CHST11: variants seen among roughly 807,000 people sequenced by gnomAD.
The protein encoded by CHST11 is carbohydrate sulfotransferase 11.
In CHST11, 9 loss-of-function variants were observed where a neutral mutation model predicts 30.4. The observed-to-expected ratio is 0.30, with a 90% CI of 0.18 to 0.52. CHST11 has a LOEUF of 0.52. Among genes scored for constraint, CHST11 ranks in the 20% least tolerant of loss-of-function variants. The pLI is 0.97. For missense variants in CHST11, 348 were observed against 460.6 expected, an observed-to-expected ratio of 0.76 and a Z score of 2.24; for synonymous variants, 152 against 187.8, an observed-to-expected ratio of 0.81 and a Z score of 1.56.
chr12:104,457,356 C>A lies in CHST11; in HGVS notation c.-56C>A. On this transcript the variant is annotated 5_prime_UTR_variant, in exon 1 of 3. Transcript: ENST00000303694. ...CGGTCCGCGCGGCGGGGTCCCTGCT[C>A]CTGCGCCCCGGGCGCGCTTCCCGGA... is the stretch of plus-strand genomic sequence containing the variant. The A allele has an allele frequency of 3.7e-6, 5 of 1,353,482 alleles. No homozygotes were observed. The highest frequency in any genetic ancestry group is 1.4e-5 in the African/African-American group (1 of 70,044). 83.8% of individuals were successfully genotyped at this position (1,353,482 alleles called of 1,614,324 possible).
At chr12:104,731,085 A>C (rs1347531741) in intron 2 of CHST11, among the ~76,000 whole-genome samples, 1 of 152,124 alleles carries the variant, frequency 6.6e-6, no homozygotes, top group Non-Finnish European at 1.5e-5. Flanking sequence ...TGCCAGCTCC[A>C]TTTCATCTTG....
intron 2 of CHST11, among the ~76,000 whole-genome samples, chr12:104,613,316 A>T (rs1194412540): frequency 6.6e-6 from 1 of 152,216 alleles, no homozygotes; most frequent in Non-Finnish European, 1.5e-5. Flanking sequence ...TACATATAAA[A>T]GGAATGTTAT....
intron 2 of CHST11, among the ~76,000 whole-genome samples, chr12:104,750,865 A>G (rs189774546): frequency 5.0e-4 from 76 of 152,318 alleles, no homozygotes; most frequent in Non-Finnish European, 7.2e-4. Context: ...TTAAAAAATT[A>G]TAAAAACCAA....
At chr12:104,520,077 G>A (rs1162477751) in intron 1 of CHST11, among the ~76,000 whole-genome samples, 1 of 152,192 alleles carries the variant, frequency 6.6e-6, no homozygotes, top group Non-Finnish European at 1.5e-5. Flanking sequence ...TTCATTCCTA[G>A]TTGCTGGCGT....
At chr12:104,467,892 A>T (rs1400826861) in intron 1 of CHST11, among the ~76,000 whole-genome samples, 1 of 152,202 alleles carries the variant, frequency 6.6e-6, no homozygotes, top group African/African-American at 2.4e-5. Flanking sequence ...TGAAAAGAGC[A>T]CAGAATTTGG....
intron 1 of CHST11, among the ~76,000 whole-genome samples, chr12:104,574,282 C>T (rs1174790498): frequency 6.6e-6 from 1 of 152,086 alleles, no homozygotes; most frequent in African/African-American, 2.4e-5. Context: ...ACTAGTTCAA[C>T]CATTGTGGAA....
intron 1 of CHST11, among the ~76,000 whole-genome samples, chr12:104,476,326 TATA>T (rs1308160848): frequency 6.6e-6 from 1 of 151,136 alleles, no homozygotes; most frequent in Non-Finnish European, 1.5e-5. Flanking sequence ...TATACACACA[TATA>T]ATATATACAC....
At chr12:104,571,164 A>T (rs1187211005) in intron 1 of CHST11, among the ~76,000 whole-genome samples, 2 of 142,806 alleles carry the variant, frequency 1.4e-5, no homozygotes, top group Non-Finnish European at 3.0e-5. Flanking sequence ...AGGACAGACA[A>T]TTTTTTTTTT....
At chr12:104,745,104 C>A (rs2040380174) in intron 2 of CHST11, among the ~76,000 whole-genome samples, 1 of 152,116 alleles carries the variant, frequency 6.6e-6, no homozygotes, top group Non-Finnish European at 1.5e-5. Flanking sequence ...GAACTCCTGA[C>A]CTCAAGTGAT....
At chr12:104,488,510 T>C (rs1261347012) in intron 1 of CHST11, among the ~76,000 whole-genome samples, 1 of 151,852 alleles carries the variant, frequency 6.6e-6, no homozygotes, top group Admixed American at 6.6e-5. Flanking sequence ...TCCGTGTATA[T>C]GTGTGTGTAT....
At chr12:104,528,719 T>G (rs2038152352) in intron 1 of CHST11, among the ~76,000 whole-genome samples, 1 of 152,232 alleles carries the variant, frequency 6.6e-6, no homozygotes, top group African/African-American at 2.4e-5. Flanking sequence ...AAATTCACTT[T>G]TTGCTCTAGG....
chr12:104,716,556 T>C (rs1268064807), intron 2 of CHST11, among the ~76,000 whole-genome samples: 1 of 152,264 alleles, frequency 6.6e-6, no homozygotes, highest in African/African-American at 2.4e-5. Flanking sequence ...GTGTCCACTT[T>C]TGGCTGTGAG....
At chr12:104,574,013 A>G (rs2136026194) in intron 1 of CHST11, among the ~76,000 whole-genome samples, 1 of 152,354 alleles carries the variant, frequency 6.6e-6, no homozygotes, top group East Asian at 1.9e-4. Flanking sequence ...CGAATTTACA[A>G]GAAAAAAACA....
intron 2 of CHST11, among the ~76,000 whole-genome samples, chr12:104,614,125 A>T (rs1185410533): frequency 2.0e-5 from 3 of 152,204 alleles, no homozygotes; most frequent in African/African-American, 7.2e-5. Flanking sequence ...TTCACTATCT[A>T]TCTCTCTATC....
intron 2 of CHST11, among the ~76,000 whole-genome samples, chr12:104,713,560 C>T (rs1218767512): frequency 4.6e-5 from 7 of 152,136 alleles, no homozygotes; most frequent in Non-Finnish European, 7.3e-5. Flanking sequence ...GCGTGAGTTT[C>T]GAATGGCAGC....
rs1592852999 is a variant in CHST11, at chr12:104,712,422, C to G, written c.205-44527C>G. On this transcript the variant is annotated intron_variant, in intron 2 of 2. Coordinates refer to ENST00000303694, the MANE Select transcript of CHST11 (RefSeq NM_018413.6). ...TATAAAGCGCCTCACAGCAGCCGCCCCTTCTTGTACAACCACTTCTTTACA... is the reference window on the plus strand; with the variant it reads ...TATAAAGCGCCTCACAGCAGCCGCCGCTTCTTGTACAACCACTTCTTTACA... Among the ~76,000 whole-genome samples, 3 of 152,244 alleles carry G rather than the reference C, an allele frequency of 2.0e-5. No individual in the cohort carries two copies. The South Asian group carries it at 6.2e-4, about 32-fold the overall frequency.
At chr12:104,743,842 T>C (rs941320183) in intron 2 of CHST11, among the ~76,000 whole-genome samples, 2 of 152,104 alleles carry the variant, frequency 1.3e-5, no homozygotes, top group Admixed American at 6.5e-5. Context: ...CTCCCACTTA[T>C]AAGTGAGAAC....
intron 2 of CHST11, among the ~76,000 whole-genome samples, chr12:104,708,097 C>T (rs535924213): frequency 2.0e-5 from 3 of 152,320 alleles, no homozygotes; most frequent in South Asian, 2.1e-4. Context: ...GGGAGATTGT[C>T]GGGCCATGTT....
intron 1 of CHST11, among the ~76,000 whole-genome samples, chr12:104,570,017 G>T (rs557049175): frequency 6.6e-6 from 1 of 152,156 alleles, no homozygotes; most frequent in African/African-American, 2.4e-5. Context: ...TGGTCTTGAC[G>T]TGTCTGACAA....
Sources: gnomAD v4.1 joint callset for allele counts (sites outside exome capture counted in the v4.1 genomes callset) on GRCh38, gnomAD v4.1.1 for gene constraint, MANE v1.5 for transcripts, NCBI Gene and HGNC (gene_info 2026-07-23, HGNC 2026-07-21) for gene names.